Variants in NUBPL observed in about 807,000 individuals in gnomAD.
The protein encoded by NUBPL is iron-sulfur cluster transfer protein NUBPL.
Under a neutral mutation model 45.7 loss-of-function variants are expected in NUBPL, and 31 were observed. The observed-to-expected ratio is 0.68, with a 90% CI of 0.51 to 0.92. NUBPL has a LOEUF of 0.92. Among genes scored for constraint, NUBPL ranks in the 40% least tolerant of loss-of-function variants. NUBPL has a pLI of 0.00. For missense variants in NUBPL, 401 were observed against 398.7 expected (o/e 1.01, Z -0.05); for synonymous variants, 144 against 140.9 (o/e 1.02, Z -0.15).
intron 8 of NUBPL, among the ~76,000 whole-genome samples, chr14:31,832,334 G>A (rs111951867): frequency 0.019 from 2,870 of 152,286 alleles, 92 homozygotes; most frequent in African/African-American, 0.065. Context: ...TGAAGGAAGA[G>A]TTGAAAATCT....
chr14:31,669,939 C>T (rs1280085164), intron 4 of NUBPL, among the ~76,000 whole-genome samples: 3 of 151,454 alleles, frequency 2.0e-5, no homozygotes, highest in African/African-American at 7.3e-5. Context: ...CTGCAGTGAA[C>T]ATTTGTGTGC....
intron 3 of NUBPL, among the ~76,000 whole-genome samples, chr14:31,584,818 C>G (rs1241800691): frequency 6.6e-6 from 1 of 152,176 alleles, no homozygotes; most frequent in African/African-American, 2.4e-5. Flanking sequence ...GATCCAATGT[C>G]TGGTTGAGGG....
chr14:31,590,524 A>G (rs2034114748), intron 3 of NUBPL, among the ~76,000 whole-genome samples: 1 of 152,140 alleles, frequency 6.6e-6, no homozygotes, highest in African/African-American at 2.4e-5. Context: ...TTCATATCTG[A>G]TCTTATAATT....
At chr14:31,718,679 C>T (rs759425663) in intron 6 of NUBPL, among the ~76,000 whole-genome samples, 3 of 152,112 alleles carry the variant, frequency 2.0e-5, no homozygotes, top group Non-Finnish European at 4.4e-5. Flanking sequence ...TTGCCACAGT[C>T]ATATACCTTT....
intron 3 of NUBPL, among the ~76,000 whole-genome samples, chr14:31,585,323 C>T (rs960241874): frequency 2.0e-5 from 3 of 152,200 alleles, no homozygotes; most frequent in Non-Finnish European, 4.4e-5. Flanking sequence ...TTTTGGGCCA[C>T]GTGCAGCTCT....
intron 9 of NUBPL, among the ~76,000 whole-genome samples, chr14:31,849,518 TATC>T (rs1253610766): frequency 1.3e-5 from 2 of 152,180 alleles, no homozygotes; most frequent in African/African-American, 4.8e-5. Flanking sequence ...TGGAGGTTCT[TATC>T]ATATACTTGC....
chr14:31,752,893 A>G (rs1226064485), intron 6 of NUBPL, among the ~76,000 whole-genome samples: 2 of 152,262 alleles, frequency 1.3e-5, no homozygotes, highest in East Asian at 3.8e-4. Context: ...CAGAAGTGGA[A>G]GCAGGGACTT....
chr14:31,783,529 T>C (rs1409919306), intron 6 of NUBPL, among the ~76,000 whole-genome samples: 8 of 151,170 alleles, frequency 5.3e-5, no homozygotes, highest in African/African-American at 1.7e-4. Flanking sequence ...TTTTTTTTTT[T>C]TTTTCTCTGA....
chr14:31,856,117 G>A (rs1255287667), intron 10 of NUBPL, among the ~76,000 whole-genome samples: 1 of 152,172 alleles, frequency 6.6e-6, no homozygotes, highest in African/African-American at 2.4e-5. Context: ...AGGTTTATTG[G>A]ACTTACAGTT....
At chr14:31,639,309 C>A (rs893578810) in intron 4 of NUBPL, among the ~76,000 whole-genome samples, 2 of 152,108 alleles carry the variant, frequency 1.3e-5, no homozygotes, top group African/African-American at 4.8e-5. Context: ...CAGACAGGAC[C>A]CTCAGCTGCA....
rs193286531 is a variant in NUBPL, at chr14:31,855,234, T to C, written c.898-3884T>C. Among the ~76,000 whole-genome samples, 124 of 152,354 alleles carry C rather than the reference T, an allele frequency of 8.1e-4. No individual in the cohort carries two copies. In the Middle Eastern group the frequency reaches 0.014, roughly 17 times the overall value. On this transcript the variant is annotated intron_variant, in intron 10 of 10. Coordinates refer to ENST00000281081, the MANE Select transcript of NUBPL (RefSeq NM_025152.3). ...GATAAAAGGTATTTATAAAGATGTA[T>C]GGGTGAAAATCAGCACATTTGATTT...
intron 6 of NUBPL, among the ~76,000 whole-genome samples, chr14:31,740,657 G>A (rs1188820475): frequency 6.6e-6 from 1 of 152,074 alleles, no homozygotes; most frequent in Non-Finnish European, 1.5e-5. Flanking sequence ...TATTTTTAAT[G>A]AGGTCTAGCT....
intron 4 of NUBPL, among the ~76,000 whole-genome samples, chr14:31,655,220 G>A (rs2036113186): frequency 6.6e-6 from 1 of 152,180 alleles, no homozygotes; most frequent in Non-Finnish European, 1.5e-5. Context: ...ATCCGTTAGA[G>A]GAATTACTAT....
intron 4 of NUBPL, among the ~76,000 whole-genome samples, chr14:31,639,494 G>C (rs1048732738): frequency 6.6e-6 from 1 of 152,208 alleles, no homozygotes; most frequent in East Asian, 1.9e-4. Context: ...TGCCCCTACT[G>C]GGGGGTGCCT....
chr14:31,763,088 T>G (rs1241327151), intron 6 of NUBPL, among the ~76,000 whole-genome samples: 2 of 152,140 alleles, frequency 1.3e-5, no homozygotes, highest in Non-Finnish European at 2.9e-5. Context: ...CCTCTATTTC[T>G]TTTGGAGGAT....
chr14:31,649,060 G>A (rs1325560900), intron 4 of NUBPL, among the ~76,000 whole-genome samples: 1 of 152,058 alleles, frequency 6.6e-6, no homozygotes, highest in Non-Finnish European at 1.5e-5. Flanking sequence ...TGCCTGCCTC[G>A]GCCTCCCAAA....
intron 6 of NUBPL, among the ~76,000 whole-genome samples, chr14:31,760,914 C>G (rs538305392): frequency 6.6e-6 from 1 of 152,150 alleles, no homozygotes; most frequent in Admixed American, 6.5e-5. Context: ...TTATGGCACA[C>G]TCAAGCTCCT....
intron 6 of NUBPL, among the ~76,000 whole-genome samples, chr14:31,776,010 A>G (rs2039092310): frequency 6.6e-6 from 1 of 152,212 alleles, no homozygotes; most frequent in Non-Finnish European, 1.5e-5. Context: ...TTCTCAGAGA[A>G]GGAATGTGAG....
At chr14:31,574,186 A>G (rs1290716202) in intron 3 of NUBPL, among the ~76,000 whole-genome samples, 2 of 152,218 alleles carry the variant, frequency 1.3e-5, no homozygotes, top group African/African-American at 2.4e-5. Flanking sequence ...TTTGAAATAA[A>G]TTTTTAGTAT....
Sources: gnomAD v4.1 joint callset for allele counts (sites outside exome capture counted in the v4.1 genomes callset) on GRCh38, gnomAD v4.1.1 for gene constraint, MANE v1.5 for transcripts, NCBI Gene and HGNC (gene_info 2026-07-23, HGNC 2026-07-21) for gene names.